Variants in PACRG observed in about 807,000 individuals in gnomAD.
PACRG encodes parkin coregulated.
Under a neutral mutation model 29.7 loss-of-function variants are expected in PACRG, and 29 were observed. That is an observed-to-expected ratio of 0.98 (90% CI 0.73 to 1.33). PACRG has a LOEUF of 1.33. Ranked by LOEUF, PACRG falls within the 40% of genes most tolerant of loss-of-function variation. PACRG has a pLI of 0.00. For synonymous variants in PACRG, 116 were observed against 118.7 expected (o/e 0.98, Z 0.15); for missense variants, 279 against 316.2 (o/e 0.88, Z 0.89).
chr6:163,314,731 C>T (rs1785578791), intron 4 of PACRG, 96 bp from the exon 5 acceptor site: 2 of 1,358,482 alleles, frequency 1.5e-6, no homozygotes, highest in Non-Finnish European at 9.9e-7. Flanking sequence ...GTTTGTGTCT[C>T]CTAATAAGCA....
At position 162,748,264 on chromosome 6, in the gene PACRG, G is replaced by A. The variant is rs375259689; in HGVS notation, c.156+19873G>A. On this transcript the variant is annotated intron_variant, in intron 1 of 4. Transcript: ENST00000366888. ...CCAGCACTTTGGGAGGCCGAGGCAG[G>A]CAGATCACCTGAGGTCAGGAGTTTG... Among the ~76,000 whole-genome samples, 102 of 152,274 alleles carry A rather than the reference G, an allele frequency of 6.7e-4. No homozygotes were observed. In the East Asian group the frequency reaches 9.8e-3, roughly 15 times the overall value.
intron 4 of PACRG, among the ~76,000 whole-genome samples, chr6:163,145,008 C>T (rs1004936876): frequency 6.6e-6 from 1 of 152,156 alleles, no homozygotes; most frequent in African/African-American, 2.4e-5. Context: ...GTAGCTGATG[C>T]CTCATGCTTC....
intron 3 of PACRG, among the ~76,000 whole-genome samples, chr6:163,086,120 A>G (rs1813535930): frequency 6.6e-6 from 1 of 152,154 alleles, no homozygotes; most frequent in Non-Finnish European, 1.5e-5. Context: ...ACTTTGAAAG[A>G]ATATCAACTG....
At chr6:162,813,257 TAATG>T (rs1787039749) in intron 1 of PACRG, among the ~76,000 whole-genome samples, 1 of 152,000 alleles carries the variant, frequency 6.6e-6, no homozygotes, top group African/African-American at 2.4e-5. Context: ...AGCAAAGTAA[TAATG>T]AATTTATTAA....
chr6:162,741,709 T>C (rs1584199748), intron 1 of PACRG, among the ~76,000 whole-genome samples: 2 of 152,202 alleles, frequency 1.3e-5, no homozygotes, highest in East Asian at 3.9e-4. Flanking sequence ...GATTGCTGTG[T>C]TTGGCTCATC....
intron 4 of PACRG, among the ~76,000 whole-genome samples, chr6:163,139,448 T>C (rs1258145944): frequency 1.3e-5 from 2 of 152,246 alleles, no homozygotes; most frequent in Non-Finnish European, 2.9e-5. Context: ...TGGGTCAACC[T>C]GTGTGATTGC....
intron 4 of PACRG, among the ~76,000 whole-genome samples, chr6:163,193,064 T>A (rs575535589): frequency 3.9e-5 from 6 of 152,348 alleles, no homozygotes; most frequent in African/African-American, 1.4e-4. Flanking sequence ...TGACAATTTA[T>A]TGCTTGATAC....
chr6:163,309,589 T>A (rs1447468853), intron 4 of PACRG, among the ~76,000 whole-genome samples: 1 of 152,216 alleles, frequency 6.6e-6, no homozygotes, highest in Non-Finnish European at 1.5e-5. Flanking sequence ...GTAATGATAG[T>A]TTTATCATCA....
At chr6:162,942,610 ACT>A (rs1487656503) in intron 2 of PACRG, among the ~76,000 whole-genome samples, 1 of 152,066 alleles carries the variant, frequency 6.6e-6, no homozygotes, top group Admixed American at 6.6e-5. Context: ...CTGGACGGAA[ACT>A]CTTCACATTT....
At chr6:162,884,723 C>CGTCTCTTCT (rs57692573) in intron 2 of PACRG, among the ~76,000 whole-genome samples, 6,001 of 152,028 alleles carry the variant, frequency 0.039, 392 homozygotes, top group African/African-American at 0.14. Flanking sequence ...AACATGTCAC[C>CGTCTCTTCT]GTCTCTTCTG....
intron 2 of PACRG, among the ~76,000 whole-genome samples, chr6:162,830,092 T>A (rs146272185): frequency 6.6e-6 from 1 of 152,056 alleles, no homozygotes; most frequent in Admixed American, 6.6e-5. Flanking sequence ...TGTTTGGGTA[T>A]TTTTTTCTCT....
intron 2 of PACRG, among the ~76,000 whole-genome samples, chr6:162,832,197 A>G (rs935550586): frequency 3.9e-5 from 6 of 152,180 alleles, no homozygotes; most frequent in Non-Finnish European, 8.8e-5. Context: ...AATACTCGTC[A>G]TTCTGACTTG....
At chr6:163,198,966 G>A (rs1780585977) in intron 4 of PACRG, among the ~76,000 whole-genome samples, 1 of 152,214 alleles carries the variant, frequency 6.6e-6, no homozygotes, top group African/African-American at 2.4e-5. Flanking sequence ...CCAGGCCACA[G>A]GAGATGAAAT....
intron 4 of PACRG, among the ~76,000 whole-genome samples, chr6:163,249,825 GGCT>G (rs1211645552): frequency 6.6e-6 from 1 of 152,220 alleles, no homozygotes; most frequent in Non-Finnish European, 1.5e-5. Context: ...AGTCAGAAAA[GGCT>G]GTTGTTTAAA....
intron 4 of PACRG, among the ~76,000 whole-genome samples, chr6:163,197,434 C>CTTTTCT (rs1780506613): frequency 9.4e-6 from 1 of 106,240 alleles, no homozygotes; most frequent in African/African-American, 3.5e-5. Flanking sequence ...CTTTTCTTTT[C>CTTTTCT]TTTTTTTTTT....
chr6:163,142,017 A>G (rs9458731), intron 4 of PACRG, among the ~76,000 whole-genome samples: 2,252 of 152,238 alleles, frequency 0.015, 63 homozygotes, highest in African/African-American at 0.051. Context: ...ATTTCAACAA[A>G]TTTAAATAAT....
At chr6:162,827,196 C>G (rs1325997217) in intron 2 of PACRG, among the ~76,000 whole-genome samples, 1 of 152,054 alleles carries the variant, frequency 6.6e-6, no homozygotes, top group Non-Finnish European at 1.5e-5. Context: ...AACCACAAGT[C>G]AAAAAATACA....
At chr6:162,947,342 A>ATATCATAT (rs1388762226) in intron 2 of PACRG, among the ~76,000 whole-genome samples, 1 of 13,352 alleles carries the variant, frequency 7.5e-5, no homozygotes, top group African/African-American at 1.2e-4. Flanking sequence ...TCATATATAT[A>ATATCATAT]ATGATTACAT....
At chr6:163,047,533 T>C (rs185248502) in intron 2 of PACRG, among the ~76,000 whole-genome samples, 2 of 152,310 alleles carry the variant, frequency 1.3e-5, no homozygotes, top group East Asian at 1.9e-4. Flanking sequence ...GTCGGGAACA[T>C]ACAATTCCTG....
Sources: allele counts gnomAD v4.1 joint callset (sites outside exome capture counted in the v4.1 genomes callset), GRCh38; gene constraint gnomAD v4.1.1; transcripts MANE v1.5; gene names NCBI Gene and HGNC (gene_info 2026-07-23, HGNC 2026-07-21).